CD83: variants seen among roughly 807,000 people sequenced by gnomAD.
CD83 encodes the protein CD83 antigen.
A neutral mutation model predicts 24.6 loss-of-function variants in CD83; 22 were observed. That is an observed-to-expected ratio of 0.90 (90% confidence interval 0.64 to 1.28). CD83 has a LOEUF of 1.28. CD83 is among the 50% of genes most tolerant of loss of function. The pLI is 0.00. For missense variants in CD83, 253 were observed against 252.8 expected, an observed-to-expected ratio of 1.00 and a Z score of -0.01; for synonymous variants, 101 against 103.5, an observed-to-expected ratio of 0.98 and a Z score of 0.14.
intron 2 of CD83, among the ~76,000 whole-genome samples, chr6:14,123,817 T>C (rs1350998460): frequency 1.3e-5 from 2 of 150,072 alleles, no homozygotes; most frequent in African/African-American, 2.5e-5. Context: ...AGGGGGAACC[T>C]GAGTCACATG....
rs1052306346 is a variant in CD83 at position 14,136,037 on chromosome 6, C to G, written c.*801C>G. ...ACAAGATAGAGAGCTATTTAATGGCCGGCTGGAAATGCTGGGCTGACGGTG... is the reference window on the plus strand; with the variant it reads ...ACAAGATAGAGAGCTATTTAATGGCGGGCTGGAAATGCTGGGCTGACGGTG... On this transcript the variant is annotated 3_prime_UTR_variant, in exon 5 of 5. Coordinates refer to ENST00000379153, the MANE Select transcript of CD83 (RefSeq NM_004233.4). 1 of 152,128 alleles carries G rather than the reference C, an allele frequency of 6.6e-6. No homozygotes were observed. Among genetic ancestry groups the G allele is most frequent in the Non-Finnish European group, 1.5e-5 (1 of 68,042 alleles). The allele number at this position is 152,128 out of a possible 1,614,324, so 9.4% of individuals were successfully genotyped here. A position where few individuals can be genotyped will look rare whatever the true frequency, so the allele number is the denominator to read the frequency against.
chr6:14,117,787 G>T lies in CD83; in HGVS notation c.-25G>T. 1 of 1,487,582 alleles carries T rather than the reference G, an allele frequency of 6.7e-7. No homozygotes were observed. The highest frequency in any genetic ancestry group is 8.9e-7 in the Non-Finnish European group (1 of 1,121,060). The allele number at this position is 1,487,582 out of a possible 1,614,324, so 92.1% of individuals were successfully genotyped here. The stretch of plus-strand genomic sequence containing the variant: ...CCCGCGCGCCACAGCTCTGCAGCTC[G>T]TGGCAGCGGCGCAGCGCTCCAGCCA... On this transcript the variant is annotated 5_prime_UTR_variant, in exon 1 of 5. Coordinates refer to ENST00000379153, the MANE Select transcript of CD83 (RefSeq NM_004233.4). This position sits in a 1 kb window ranked among gnomAD's most constrained non-coding sequence, Gnocchi z 4.6.
At chr6:14,133,592 T>A in intron 3 of CD83, 57 bp from the exon 4 acceptor site, 1 of 1,215,652 alleles carries the variant, frequency 8.2e-7, no homozygotes, top group Non-Finnish European at 1.2e-6. Flanking sequence ...CTTAGCTTTT[T>A]TTCATGGTAG....
intron 2 of CD83, among the ~76,000 whole-genome samples, chr6:14,126,280 A>T (rs891291819): frequency 1.3e-5 from 2 of 152,226 alleles, no homozygotes; most frequent in Non-Finnish European, 2.9e-5. Flanking sequence ...AACCTTGGTT[A>T]TAAAAAAAAG....
chr6:14,129,912 G>T lies in CD83; in HGVS notation c.154-1608G>T, dbSNP rs1477648687. Among the ~76,000 whole-genome samples the T allele has an allele frequency of 1.3e-5, 2 of 149,542 alleles. No homozygotes were observed. The highest frequency in any genetic ancestry group is 3.0e-5 in the Non-Finnish European group (2 of 67,210). On this transcript the variant is annotated intron_variant, in intron 2 of 4. Coordinates refer to ENST00000379153, the MANE Select transcript of CD83 (RefSeq NM_004233.4). This position sits in a 1 kb window ranked among gnomAD's most constrained non-coding sequence, Gnocchi z 4.3. ...GTGTATGTATTTTCTTTCCTGAGTT[G>T]CTTCTCAGAGTATTCCCCTAACTCC... is the stretch of plus-strand genomic sequence containing the variant.
chr6:14,117,767 G>A (rs955926639), upstream of CD83: 12 of 1,355,280 alleles, frequency 8.9e-6, 1 homozygote, highest in South Asian at 3.4e-5. The surrounding 1 kb of genome is among the most constrained non-coding windows in gnomAD (Gnocchi z 4.6). Flanking sequence ...CGGCGCCCGC[G>A]CGCCACAGCT....
chr6:14,122,173 G>A (rs886835025), intron 2 of CD83, among the ~76,000 whole-genome samples: 2 of 152,144 alleles, frequency 1.3e-5, no homozygotes, highest in Non-Finnish European at 2.9e-5. Context: ...TTATAATATT[G>A]AGAAGAGCCC....
rs748483646 is a variant in CD83 at position 14,131,701 on chromosome 6, C to G, written c.335C>G (p.Pro112Arg). Residue 112 changes from proline to arginine, a missense_variant, in exon 3 of 5, where the codon CCG becomes CGG. Transcript: ENST00000379153. ...SGTYRCTLQD[P>R]DGQRNLSGKV... ...ACATACAGGTGCACTCTGCAGGACC[C>G]GGATGGGCAGAGAAACCTAAGTGGC... 9 of 1,614,066 alleles carry G rather than the reference C, an allele frequency of 5.6e-6. No homozygotes were observed. The South Asian group carries it at 9.9e-5, about 18-fold the overall frequency.
intron 2 of CD83, among the ~76,000 whole-genome samples, chr6:14,121,885 T>C (rs1016643719): frequency 2.6e-5 from 4 of 152,086 alleles, no homozygotes; most frequent in African/African-American, 9.7e-5. Flanking sequence ...ATGACTTTGG[T>C]TGGAGTACTT....
chr6:14,122,149 A>G (rs1759685009), intron 2 of CD83, among the ~76,000 whole-genome samples: 1 of 152,154 alleles, frequency 6.6e-6, no homozygotes, highest in Non-Finnish European at 1.5e-5. Flanking sequence ...ATAAAAGTCT[A>G]CTATAAATAG....
At position 14,131,602 on chromosome 6, in the gene CD83, A is replaced by T. The variant is rs192172446; in HGVS notation, c.236A>T (p.Asn79Ile). The T allele has an allele frequency of 5.6e-6, 9 of 1,613,946 alleles. No homozygotes were observed. The highest frequency in any genetic ancestry group is 1.7e-5 in the Admixed American group (1 of 59,996). Residue 79 changes from asparagine to isoleucine, a missense_variant, in exon 3 of 5, where the codon AAT (asparagine) becomes ATT (isoleucine). Coordinates refer to ENST00000379153, the MANE Select transcript of CD83 (RefSeq NM_004233.4). Reference protein sequence around the residue: ...RGQHYHQKGQNGSFDAPNERP... With the variant: ...RGQHYHQKGQIGSFDAPNERP... ...CAGCACTATCATCAGAAGGGGCAAA[A>T]TGGTTCTTTCGACGCCCCCAATGAA...
At chr6:14,123,885 T>C (rs1290456452) in intron 2 of CD83, among the ~76,000 whole-genome samples, 1 of 151,874 alleles carries the variant, frequency 6.6e-6, no homozygotes, top group African/African-American at 2.4e-5. Flanking sequence ...GAAGAGGAAG[T>C]TTGGAGAAGG....
chr6:14,118,222 TCCCC>T, intron 2 of CD83, among the ~76,000 whole-genome samples, 157 bp downstream of exon 2: 1 of 152,064 alleles, frequency 6.6e-6, no homozygotes, highest in South Asian at 2.1e-4. Context: ...CCGTCGCGCC[TCCCC>T]CACCCCATCC....
At chr6:14,133,465 CAG>C (rs2113405029) in intron 3 of CD83, among the ~76,000 whole-genome samples, 182 bp from the exon 4 acceptor site, 1 of 152,344 alleles carries the variant, frequency 6.6e-6, no homozygotes, top group East Asian at 1.9e-4. Flanking sequence ...CAGCCAGACA[CAG>C]AGCGACAGTG....
intron 2 of CD83, among the ~76,000 whole-genome samples, chr6:14,123,901 G>A (rs1324139724): frequency 1.3e-5 from 2 of 152,116 alleles, no homozygotes; most frequent in Non-Finnish European, 2.9e-5. Context: ...GAAGGTCTCA[G>A]TGACATAAGG....
intron 2 of CD83, among the ~76,000 whole-genome samples, chr6:14,118,749 T>G (rs1759603140): frequency 6.6e-6 from 1 of 152,126 alleles, no homozygotes; most frequent in African/African-American, 2.4e-5. Flanking sequence ...CAAGGAGGCT[T>G]TTTCAAGGTT....
chr6:14,121,616 C>CAAAAAA (rs57805122), intron 2 of CD83, among the ~76,000 whole-genome samples: 2 of 53,770 alleles, frequency 3.7e-5, no homozygotes, highest in Admixed American at 2.3e-4. Flanking sequence ...CTGTCTCTAC[C>CAAAAAA]AAAAAAAAAA....
intron 2 of CD83, among the ~76,000 whole-genome samples, chr6:14,119,059 A>T (rs2113384290): frequency 6.6e-6 from 1 of 152,364 alleles, no homozygotes; most frequent in African/African-American, 2.4e-5. Context: ...ACTTAACAGT[A>T]CAAGGCATCA....
rs554790085 is a variant in CD83, at chr6:14,129,153, A to G, written c.154-2367A>G. 2.6e-5 allele frequency among the ~76,000 whole-genome samples: 4 copies of G among 152,342 alleles called. No individual in the cohort carries two copies. In the South Asian group the frequency reaches 8.3e-4, roughly 32 times the overall value. The stretch of plus-strand genomic sequence containing the variant: ...TAATCTCAAAACGGTTGTTGCAGCT[A>G]CACTCGCATTTGGAGGTTAATTTAG... On this transcript the variant is annotated intron_variant, in intron 2 of 4. Transcript: ENST00000379153. The surrounding 1 kb of genome is among the most constrained non-coding windows in gnomAD (Gnocchi z 4.3).
Sources: gnomAD v4.1 joint callset for allele counts (sites outside exome capture counted in the v4.1 genomes callset) on GRCh38, gnomAD v4.1.1 for gene constraint, Gnocchi (gnomAD v3.1) non-coding constraint, MANE v1.5 for transcripts, NCBI Gene and HGNC (gene_info 2026-07-23, HGNC 2026-07-21) for gene names.